GABRB1: variants seen among roughly 807,000 people sequenced by gnomAD.
The protein encoded by GABRB1 is gamma-aminobutyric acid receptor subunit beta-1.
Under a neutral mutation model 51.6 loss-of-function variants are expected in GABRB1, and 17 were observed. The ratio of observed to expected loss-of-function variants is 0.33; its 90% CI spans 0.23 to 0.49. The LOEUF is 0.49. Among genes scored for constraint, GABRB1 ranks in the 20% least tolerant of loss-of-function variants. The pLI, the probability that GABRB1 is intolerant of heterozygous loss-of-function variation, is 0.99. For missense variants in GABRB1, 410 were observed against 600.6 expected (o/e 0.68, Z 3.32); for synonymous variants, 247 against 218.9 (o/e 1.13, Z -1.14).
chr4:47,337,611 C>G (rs1014875731), intron 5 of GABRB1, among the ~76,000 whole-genome samples: 4 of 151,720 alleles, frequency 2.6e-5, no homozygotes, highest in African/African-American at 9.7e-5. Context: ...TCGAGACCAA[C>G]CTGGCAAGCA....
chr4:47,205,350 A>G (rs1577999923), intron 4 of GABRB1, among the ~76,000 whole-genome samples: 2 of 152,306 alleles, frequency 1.3e-5, no homozygotes, highest in East Asian at 3.9e-4. Flanking sequence ...ATTATGATTA[A>G]GTCACATATT....
At chr4:47,037,515 CAT>C (rs747940248) in intron 3 of GABRB1, among the ~76,000 whole-genome samples, 4 of 149,948 alleles carry the variant, frequency 2.7e-5, no homozygotes, top group Non-Finnish European at 5.9e-5. Context: ...TTGGAGATAG[CAT>C]ATATATATTC....
chr4:47,275,933 GA>G (rs1578055721), intron 4 of GABRB1, among the ~76,000 whole-genome samples: 1 of 152,128 alleles, frequency 6.6e-6, no homozygotes, highest in East Asian at 1.9e-4. Context: ...ACAGGCTTTG[GA>G]TATCCTGTGA....
intron 3 of GABRB1, among the ~76,000 whole-genome samples, chr4:47,069,132 G>A (rs1727205744): frequency 6.6e-6 from 1 of 152,278 alleles, no homozygotes; most frequent in African/African-American, 2.4e-5. Context: ...CAGGATGCTT[G>A]GCATGAGATA....
intron 4 of GABRB1, among the ~76,000 whole-genome samples, chr4:47,240,591 A>T (rs1721484025): frequency 6.6e-6 from 1 of 152,258 alleles, no homozygotes. Flanking sequence ...AGATATTTCT[A>T]TAGCTCAGCA....
Position 47,406,885 on chromosome 4 carries a change from A to G in GABRB1, c.1039A>G (p.Ser347Gly). The part of the protein sequence containing the change: ...QKKGASKQDQ[S>G]ANEKNKLEMN... Reference sequence around the variant, plus strand: ...AAAGGGAGCTAGCAAACAAGACCAGAGTGCCAATGAGAAGAATAAACTGGA... The same window carrying G: ...AAAGGGAGCTAGCAAACAAGACCAGGGTGCCAATGAGAAGAATAAACTGGA... The change falls in exon 8 of 9, where the codon AGT becomes GGT. Residue 347 changes from serine (S) to glycine (G), a missense_variant. Around this residue, in one of 5 missense-constraint regions of GABRB1, gnomAD observed 181 missense variants for 195.6 expected, o/e 0.93. Transcript: ENST00000295454. The G allele has an allele frequency of 6.2e-7, 1 of 1,614,130 alleles. No homozygotes were observed. The highest frequency in any genetic ancestry group is 1.1e-5 in the South Asian group (1 of 91,078).
In GABRB1 at chr4:47,051,094, T is replaced by C. The variant is rs571819602; in HGVS notation, c.240+18610T>C. Among the ~76,000 whole-genome samples the C allele has an allele frequency of 7.2e-5, 11 of 152,280 alleles. No homozygotes were observed. The East Asian group carries it at 2.1e-3, about 29-fold the overall frequency. ...TTCCTCAGGAAGAGGGCAGAGTTTA[T>C]GTCAGTAGGAAAATAAATCTTTGGG... On this transcript the variant is annotated intron_variant, in intron 3 of 8. Transcript: ENST00000295454.
chr4:47,160,690 T>A (rs1717905090), intron 3 of GABRB1, among the ~76,000 whole-genome samples: 1 of 152,158 alleles, frequency 6.6e-6, no homozygotes, highest in Admixed American at 6.6e-5. Flanking sequence ...TTCAATTACA[T>A]CTATTTGCTC....
chr4:47,405,456 C>A (rs1728535335), intron 7 of GABRB1, among the ~76,000 whole-genome samples: 1 of 152,024 alleles, frequency 6.6e-6, no homozygotes, highest in African/African-American at 2.4e-5. Context: ...TTTTAAGAGC[C>A]TCTATCAAAT....
chr4:47,182,540 A>G (rs1718995109), intron 4 of GABRB1, among the ~76,000 whole-genome samples: 1 of 152,006 alleles, frequency 6.6e-6, no homozygotes, highest in Non-Finnish European at 1.5e-5. Flanking sequence ...ATTCCACAGC[A>G]TAGTGAATAG....
At chr4:47,132,364 C>A (rs532846073) in intron 3 of GABRB1, among the ~76,000 whole-genome samples, 1 of 150,190 alleles carries the variant, frequency 6.7e-6, no homozygotes, top group Non-Finnish European at 1.5e-5. Flanking sequence ...TCTGTGAAGA[C>A]GTTTTTTCGT....
At chr4:47,178,890 T>G (rs2109766450) in intron 4 of GABRB1, among the ~76,000 whole-genome samples, 1 of 152,234 alleles carries the variant, frequency 6.6e-6, no homozygotes, top group Non-Finnish European at 1.5e-5. Context: ...TCCAATTTCA[T>G]GTTCTGTTTT....
chr4:47,294,250 G>T (rs2109926854), intron 4 of GABRB1, among the ~76,000 whole-genome samples: 1 of 152,302 alleles, frequency 6.6e-6, no homozygotes, highest in Non-Finnish European at 1.5e-5. Context: ...GCCAGACAAT[G>T]GGTGCAGGAC....
intron 8 of GABRB1, among the ~76,000 whole-genome samples, chr4:47,424,945 G>A (rs35293354): frequency 0.16 from 23,700 of 152,080 alleles, 2,308 homozygotes; most frequent in African/African-American, 0.26. Flanking sequence ...ATAGCCAGGC[G>A]AATCCTTTGA....
intron 5 of GABRB1, among the ~76,000 whole-genome samples, chr4:47,378,122 C>A (rs1727454334): frequency 6.6e-6 from 1 of 152,206 alleles, no homozygotes; most frequent in African/African-American, 2.4e-5. Flanking sequence ...GCTTGGGCTG[C>A]ACAGGAGCCC....
chr4:47,147,290 C>A (rs1291391984), intron 3 of GABRB1, among the ~76,000 whole-genome samples: 2 of 38,868 alleles, frequency 5.1e-5, no homozygotes, highest in Admixed American at 2.6e-4. Flanking sequence ...TATTTCCTTT[C>A]TTTTTTTCCT....
At chr4:47,108,028 C>A (rs941468799) in intron 3 of GABRB1, among the ~76,000 whole-genome samples, 1 of 152,014 alleles carries the variant, frequency 6.6e-6, no homozygotes, top group Non-Finnish European at 1.5e-5. Flanking sequence ...TCATAATAAA[C>A]CATATCTCCT....
chr4:47,086,480 T>A (rs1377001930), intron 3 of GABRB1, among the ~76,000 whole-genome samples: 3 of 152,160 alleles, frequency 2.0e-5, no homozygotes, highest in Non-Finnish European at 4.4e-5. Flanking sequence ...ACGTGAACAC[T>A]AGAGAAAGGG....
intron 3 of GABRB1, among the ~76,000 whole-genome samples, chr4:47,091,224 T>G (rs1483793629): frequency 6.6e-6 from 1 of 152,148 alleles, no homozygotes; most frequent in African/African-American, 2.4e-5. Context: ...AAAAGTCCGT[T>G]GAGAAACAGT....
Sources: gnomAD v4.1 joint callset for allele counts (sites outside exome capture counted in the v4.1 genomes callset) on GRCh38, gnomAD v4.1.1 for gene constraint, gnomAD v4.1.1 regional missense constraint, MANE v1.5 for transcripts, NCBI Gene and HGNC (gene_info 2026-07-23, HGNC 2026-07-21) for gene names.